Variants in COL22A1 observed in about 807,000 individuals in gnomAD.
COL22A1 encodes collagen alpha-1(XXII) chain.
Under a neutral mutation model 248.9 loss-of-function variants are expected in COL22A1, and 221 were observed. The ratio of observed to expected loss-of-function variants is 0.89; its 90% CI spans 0.80 to 0.99. The LOEUF (loss-of-function observed/expected upper bound fraction) is 0.99, where lower values mean the gene tolerates loss of function less well. Among genes scored for constraint, COL22A1 ranks in the 50% least tolerant of loss-of-function variants. The pLI is 0.00. For missense variants in COL22A1, 2,240 were observed against 2,179.0 expected (o/e 1.03, Z -0.56); for synonymous variants, 891 against 793.4 (o/e 1.12, Z -2.07).
chr8:138,745,444 C>T (rs1239210041), intron 22 of COL22A1, among the ~76,000 whole-genome samples: 3 of 152,028 alleles, frequency 2.0e-5, no homozygotes, highest in South Asian at 2.1e-4. Context: ...TTAATTAATG[C>T]CATTATCTAT....
At chr8:138,675,531 C>T (rs1564178630) in intron 41 of COL22A1, among the ~76,000 whole-genome samples, 1 of 152,074 alleles carries the variant, frequency 6.6e-6, no homozygotes, top group Non-Finnish European at 1.5e-5. Flanking sequence ...GTAACAACAA[C>T]AATAATACAT....
intron 6 of COL22A1, among the ~76,000 whole-genome samples, chr8:138,824,929 G>A (rs1462041691): frequency 6.6e-6 from 1 of 152,182 alleles, no homozygotes; most frequent in African/African-American, 2.4e-5. Context: ...CCATGGTTCT[G>A]TGGTATTTCA....
chr8:138,690,631 C>T (rs1316180357), intron 36 of COL22A1, among the ~76,000 whole-genome samples, 190 bp downstream of exon 36: 4 of 151,948 alleles, frequency 2.6e-5, no homozygotes, highest in African/African-American at 7.3e-5. Context: ...GGATAGCTGG[C>T]GAGTTGCCTA....
intron 45 of COL22A1, among the ~76,000 whole-genome samples, chr8:138,652,476 G>A (rs763523274): frequency 1.4e-4 from 21 of 152,122 alleles, no homozygotes; most frequent in Non-Finnish European, 2.8e-4. Flanking sequence ...TCAGATGACC[G>A]TGATCATCAA....
chr8:138,860,579 G>A (rs1423943879), intron 3 of COL22A1, among the ~76,000 whole-genome samples: 4 of 152,186 alleles, frequency 2.6e-5, no homozygotes, highest in Non-Finnish European at 4.4e-5. Context: ...AGGCCAAGGC[G>A]AGCAAATTGC....
At chr8:138,901,369 G>GGTTT (rs1814547020) in intron 1 of COL22A1, among the ~76,000 whole-genome samples, 3 of 118,772 alleles carry the variant, frequency 2.5e-5, no homozygotes, top group South Asian at 2.9e-4. Context: ...TTTTTTTTTT[G>GGTTT]TTTTTTTTTT....
rs749819644 is a variant in COL22A1, at chr8:138,821,327, G to A, written c.1054C>T (p.Arg352Ter). ...AAGAGGTCATTGACCCGAGAACCTC[G>A]GAAGACCACCCTGACAGCATCTTTC... ...AMKDAVRVVF[R>*]GSRVNDLFDR... Residue 352 changes from arginine to a stop codon, truncating the protein, a stop_gained, in exon 7 of 65, where the codon CGA becomes TGA. Coordinates refer to ENST00000303045, the MANE Select transcript of COL22A1 (RefSeq NM_152888.3). LOFTEE classifies it high-confidence loss of function. 1.2e-5 allele frequency: 20 copies of A among 1,613,994 alleles called. No individual in the cohort carries two copies. Among genetic ancestry groups the A allele is most frequent in the African/African-American group, 1.3e-5 (1 of 74,910 alleles).
intron 63 of COL22A1, 96 bp from the exon 64 acceptor site, chr8:138,591,597 G>C (rs1386596361): frequency 2.2e-6 from 2 of 914,960 alleles, no homozygotes; most frequent in Non-Finnish European, 1.6e-6. Flanking sequence ...GCAGCACTGG[G>C]CTGCTGTGGC....
At chr8:138,669,645 G>A (rs1342478558) in intron 41 of COL22A1, among the ~76,000 whole-genome samples, 1 of 152,178 alleles carries the variant, frequency 6.6e-6, no homozygotes, top group Non-Finnish European at 1.5e-5. Flanking sequence ...CTCTGAGCCT[G>A]AGTCTCCTCA....
chr8:138,698,151 G>A (rs1027101977), intron 32 of COL22A1, among the ~76,000 whole-genome samples: 1 of 152,212 alleles, frequency 6.6e-6, no homozygotes, highest in East Asian at 1.9e-4. Flanking sequence ...GAGGGAGGGA[G>A]GCCCACAGAT....
At chr8:138,776,664 A>G (rs187423763) in intron 15 of COL22A1, among the ~76,000 whole-genome samples, 2 of 150,260 alleles carry the variant, frequency 1.3e-5, no homozygotes, top group Admixed American at 1.3e-4. Flanking sequence ...GGATCCTCTT[A>G]CCATGCGTCA....
chr8:138,887,314 T>A (rs910606462), intron 1 of COL22A1, among the ~76,000 whole-genome samples: 1 of 151,576 alleles, frequency 6.6e-6, no homozygotes, highest in African/African-American at 2.4e-5. Flanking sequence ...AACCTCTGCC[T>A]CCTGGGTTCA....
intron 1 of COL22A1, among the ~76,000 whole-genome samples, chr8:138,897,686 A>T (rs1427088406): frequency 6.6e-6 from 1 of 152,100 alleles, no homozygotes; most frequent in African/African-American, 2.4e-5. Context: ...TTTAATAAAA[A>T]CTCAGTGAAG....
intron 21 of COL22A1, 102 bp from the exon 22 acceptor site, chr8:138,751,613 G>C (rs1586651077): frequency 1.4e-6 from 1 of 718,444 alleles, no homozygotes; most frequent in East Asian, 2.7e-5. Context: ...ATTGAATAGT[G>C]TAATACCATC....
At chr8:138,904,525 T>C (rs947965564) in intron 1 of COL22A1, among the ~76,000 whole-genome samples, 2 of 152,168 alleles carry the variant, frequency 1.3e-5, no homozygotes, top group Non-Finnish European at 2.9e-5. Context: ...TCTTTATTGT[T>C]TTATTCATTT....
intron 3 of COL22A1, among the ~76,000 whole-genome samples, chr8:138,848,154 G>A (rs1009270811): frequency 9.9e-5 from 15 of 152,154 alleles, no homozygotes; most frequent in African/African-American, 3.6e-4. Context: ...ATTTGTTCTT[G>A]GCTGGTTCAC....
chr8:138,669,905 G>C (rs1483874220), intron 41 of COL22A1, among the ~76,000 whole-genome samples: 1 of 60,272 alleles, frequency 1.7e-5, no homozygotes, highest in African/African-American at 9.3e-5. Context: ...TTTTTTTTTT[G>C]AGATGGAGTC....
At chr8:138,843,542 A>G (rs1821032118) in intron 4 of COL22A1, among the ~76,000 whole-genome samples, 1 of 152,134 alleles carries the variant, frequency 6.6e-6, no homozygotes, top group Non-Finnish European at 1.5e-5. Flanking sequence ...ATGTTCGGGT[A>G]ATTGGGATGG....
chr8:138,597,103 A>G, intron 61 of COL22A1, 133 bp from the exon 62 acceptor site: 2 of 674,996 alleles, frequency 3.0e-6, no homozygotes, highest in Non-Finnish European at 5.2e-6. Flanking sequence ...TCCTAGCCCA[A>G]TCTTTTCCAC....
Sources: gnomAD v4.1 joint callset for allele counts (sites outside exome capture counted in the v4.1 genomes callset) on GRCh38, gnomAD v4.1.1 for gene constraint, MANE v1.5 for transcripts, NCBI Gene and HGNC (gene_info 2026-07-23, HGNC 2026-07-21) for gene names.